The following CD44 variants were observed in gnomAD, a reference collection of about 807,000 sequenced individuals.
CD44 encodes the protein CD44 antigen.
CD44 carries 49 observed loss-of-function variants against 88.8 expected under a neutral mutation model. That is an observed-to-expected ratio of 0.55 (90% CI 0.44 to 0.70). The LOEUF (loss-of-function observed/expected upper bound fraction) is 0.70. Ranked by LOEUF, CD44 falls within the 30% of genes least tolerant of loss-of-function variation. CD44 has a pLI of 0.00. For missense variants in CD44, 883 were observed against 913.8 expected (o/e 0.97, Z 0.43); for synonymous variants, 325 against 312.3 (o/e 1.04, Z -0.43).
intron 1 of CD44, among the ~76,000 whole-genome samples, chr11:35,156,179 T>C (rs1236957619): frequency 6.6e-6 from 1 of 152,168 alleles, no homozygotes; most frequent in Non-Finnish European, 1.5e-5. Flanking sequence ...CCTAATAGTT[T>C]GAGTCCAAAG....
In CD44 at chr11:35,199,945, T is replaced by G. The variant is rs1028986571; in HGVS notation, c.923-1137T>G. On this transcript the variant is annotated intron_variant, in intron 7 of 17. Transcript: ENST00000428726. ...TTTCCCATGGTGTTGTTTTTTTTTT[T>G]TTTTTTTTTTTTTTTTAATTTTTTA... is the stretch of plus-strand genomic sequence containing the variant. 1.5e-3 allele frequency among the ~76,000 whole-genome samples: 227 copies of G among 149,194 alleles called. 3 individuals carry two copies. The highest frequency in any genetic ancestry group is 5.0e-3 in the African/African-American group (202 of 40,762).
chr11:35,141,800 G>A (rs1321461090), intron 1 of CD44, among the ~76,000 whole-genome samples: 8 of 152,200 alleles, frequency 5.3e-5, no homozygotes, highest in Non-Finnish European at 1.2e-4. Context: ...GCAGGAACTG[G>A]GACTTGGAAA....
chr11:35,222,164 A>G (rs1158543996), intron 17 of CD44, among the ~76,000 whole-genome samples: 1 of 152,260 alleles, frequency 6.6e-6, no homozygotes. Context: ...TTTATTAAAT[A>G]CATTCACAAT....
intron 3 of CD44, among the ~76,000 whole-genome samples, chr11:35,186,024 GA>G (rs2133831287): frequency 6.7e-6 from 1 of 150,178 alleles, no homozygotes; most frequent in South Asian, 2.1e-4. Context: ...AGCAAGGGAT[GA>G]AAGAGTAGAG....
chr11:35,227,261 C>T lies in CD44; in HGVS notation c.2025-1868C>T, dbSNP rs560396020. On this transcript the variant is annotated intron_variant, in intron 17 of 17. Coordinates refer to ENST00000428726, the MANE Select transcript of CD44 (RefSeq NM_000610.4). ...AATGCAGTGGCACAAACACAGCTCA[C>T]TGCAGCCTCGACTTCCTGGGCTCAA... is the stretch of plus-strand genomic sequence containing the variant. Among the ~76,000 whole-genome samples the T allele has an allele frequency of 4.4e-4, 67 of 152,332 alleles. 1 individual carries two copies. Among genetic ancestry groups the T allele is most frequent in the African/African-American group, 1.5e-3 (63 of 41,572 alleles).
intron 1 of CD44, among the ~76,000 whole-genome samples, chr11:35,160,974 A>G (rs767366085): frequency 6.6e-6 from 1 of 152,140 alleles, no homozygotes; most frequent in Non-Finnish European, 1.5e-5. Flanking sequence ...AACACATGTA[A>G]TGTAGAGTGA....
intron 7 of CD44, among the ~76,000 whole-genome samples, chr11:35,199,480 T>C (rs564250146): frequency 6.6e-6 from 1 of 152,146 alleles, no homozygotes; most frequent in African/African-American, 2.4e-5. Context: ...GCTCTCCCAA[T>C]TCACTGAAGT....
chr11:35,182,746 A>G (rs1945276956), intron 3 of CD44, among the ~76,000 whole-genome samples: 1 of 152,226 alleles, frequency 6.6e-6, no homozygotes, highest in African/African-American at 2.4e-5. Context: ...AAGGGCTGGC[A>G]TGAGGCTATA....
chr11:35,215,728 C>T (rs767630941), intron 15 of CD44, among the ~76,000 whole-genome samples: 7 of 151,606 alleles, frequency 4.6e-5, no homozygotes, highest in Non-Finnish European at 8.8e-5. Flanking sequence ...AAAAATTAGC[C>T]GGGCGTGGTC....
At position 35,219,391 on chromosome 11, in the gene CD44, A is replaced by T. The variant is rs767348396; in HGVS notation, c.1945+4A>T. On this transcript the variant is annotated splice_donor_region_variant and intron_variant, in intron 16 of 17. Transcript: ENST00000428726. ...ATAAGGACACCCCAAATTCCAGGTG[A>T]GTTTCAAACTTTGAGGCAGAAAAAC... The T allele has an allele frequency of 6.2e-7, 1 of 1,611,360 alleles. No individual in the cohort carries two copies. The highest frequency in any genetic ancestry group is 8.5e-7 in the Non-Finnish European group (1 of 1,177,888).
intron 1 of CD44, among the ~76,000 whole-genome samples, chr11:35,154,156 TTGAGTGTC>T (rs1163626450): frequency 6.6e-6 from 1 of 152,214 alleles, no homozygotes; most frequent in East Asian, 1.9e-4. Context: ...CTTAGGGATC[TTGAGTGTC>T]AAGCATTGGT....
chr11:35,156,208 C>T (rs751469744), intron 1 of CD44, among the ~76,000 whole-genome samples: 53 of 152,162 alleles, frequency 3.5e-4, no homozygotes, highest in Non-Finnish European at 1.8e-4. Context: ...TCTAGCATCT[C>T]AACTTTTTAA....
At chr11:35,223,962 C>T (rs1195465129) in intron 17 of CD44, among the ~76,000 whole-genome samples, 1 of 152,124 alleles carries the variant, frequency 6.6e-6, no homozygotes, top group Non-Finnish European at 1.5e-5. Flanking sequence ...TGACTACCAG[C>T]CCTGGCAAGG....
chr11:35,181,945 AATATATATAAATTTT>A (rs1301903756), intron 3 of CD44, among the ~76,000 whole-genome samples: 1 of 77,168 alleles, frequency 1.3e-5, no homozygotes, highest in African/African-American at 5.6e-5. Flanking sequence ...AATTATATAT[AATATATATAAATTTT>A]ATATATATAA....
At chr11:35,180,155 G>A (rs995547965) in intron 2 of CD44, 119 bp from the exon 3 acceptor site, 13 of 941,024 alleles carry the variant, frequency 1.4e-5, no homozygotes, top group Non-Finnish European at 1.9e-5. Context: ...TGAAACCTCC[G>A]ATATCCCTAG....
chr11:35,200,558 T>C (rs1947216625), intron 7 of CD44: 1 of 154,676 alleles, frequency 6.5e-6, no homozygotes, highest in African/African-American at 2.4e-5. Flanking sequence ...TTCAGAATCA[T>C]CTATAGGAAA....
intron 1 of CD44, among the ~76,000 whole-genome samples, chr11:35,160,717 C>T (rs1942487918): frequency 6.6e-6 from 1 of 152,164 alleles, no homozygotes; most frequent in Non-Finnish European, 1.5e-5. Context: ...ATTAAAACTC[C>T]AGGTCACTAG....
At chr11:35,189,765 T>A in intron 4 of CD44, 70 bp from the exon 5 acceptor site, 1 of 1,004,768 alleles carries the variant, frequency 1.0e-6, no homozygotes, top group Non-Finnish European at 1.5e-6. Context: ...GAAGTCACTA[T>A]GTTAAACGCT....
At chr11:35,210,145 C>T in intron 13 of CD44, 91 bp downstream of exon 13, 1 of 673,710 alleles carries the variant, frequency 1.5e-6, no homozygotes, top group Non-Finnish European at 2.5e-6. Context: ...GAGGTGCATC[C>T]ATTAGCTGCC....
Sources: gnomAD v4.1 joint callset for allele counts (sites outside exome capture counted in the v4.1 genomes callset) on GRCh38, gnomAD v4.1.1 for gene constraint, MANE v1.5 for transcripts, NCBI Gene and HGNC (gene_info 2026-07-23, HGNC 2026-07-21) for gene names.